ZFYVE16: variants seen among roughly 807,000 people sequenced by gnomAD.
ZFYVE16 encodes zinc finger FYVE domain-containing protein 16.
ZFYVE16 carries 89 observed loss-of-function variants against 138.1 expected under a neutral mutation model. The ratio of observed to expected loss-of-function variants is 0.64; its 90% CI spans 0.54 to 0.77. The LOEUF is 0.77. Ranked by LOEUF, ZFYVE16 falls within the 30% of genes least tolerant of loss-of-function variation. The pLI is 0.00. For synonymous variants in ZFYVE16, 596 were observed against 618.3 expected, an observed-to-expected ratio of 0.96 and a Z score of 0.53; for missense variants, 1,793 against 1,786.7, an observed-to-expected ratio of 1.00 and a Z score of -0.06.
intron 15 of ZFYVE16, among the ~76,000 whole-genome samples, chr5:80,468,745 T>TA (rs2112531927): frequency 6.6e-6 from 1 of 152,316 alleles, no homozygotes; most frequent in South Asian, 2.1e-4. Context: ...TATATAGAAA[T>TA]ACATTTATCT....
chr5:80,452,833 T>C (rs1752131527), intron 11 of ZFYVE16, among the ~76,000 whole-genome samples: 1 of 152,218 alleles, frequency 6.6e-6, no homozygotes, highest in South Asian at 2.1e-4. Flanking sequence ...TGTACGTGTG[T>C]GTATTTACTT....
rs536050320 is a variant in ZFYVE16 at position 80,438,498 on chromosome 5, A to G, written c.1813A>G (p.Ile605Val). The G allele has an allele frequency of 5.8e-5, 94 of 1,613,726 alleles. 1 individual carries two copies. The South Asian group carries it at 9.3e-4, about 16-fold the overall frequency. Residue 605 changes from isoleucine (I) to valine (V), a missense_variant, in exon 4 of 19, where the codon ATA becomes GTA. By Grantham distance (29) the Ile-to-Val change is conservative. Transcript: ENST00000505560. Reference sequence around the variant, plus strand: ...TGAAATAGTTGATAAACAAAATACAATAGAAAATGGCCTTTCTTTAGGAGA... The same window carrying G: ...TGAAATAGTTGATAAACAAAATACAGTAGAAAATGGCCTTTCTTTAGGAGA... ...ICEIVDKQNT[I>V]ENGLSLGEKS...
At chr5:80,413,471 CAA>C (rs70988468) in intron 1 of ZFYVE16, among the ~76,000 whole-genome samples, 1 of 124,522 alleles carries the variant, frequency 8.0e-6, no homozygotes, top group African/African-American at 3.2e-5. Context: ...AACTTCATCT[CAA>C]AAAAAAAAAA....
At chr5:80,454,509 C>CT (rs1270643829) in intron 11 of ZFYVE16, 4,703 of 141,826 alleles carry the variant, frequency 0.033, 216 homozygotes, top group African/African-American at 0.098. Context: ...CTGTATATTC[C>CT]TTTTTTTTTT....
At position 80,472,742 on chromosome 5, in the gene ZFYVE16, A is replaced by G; in HGVS notation, c.4025-19A>G. On this transcript the variant is annotated intron_variant, in intron 15 of 18. Transcript: ENST00000505560. The stretch of plus-strand genomic sequence containing the variant: ...TTGGTATTTGGCAAAAGAAATGTGA[A>G]ACTTAGTCTCATTTCTAGATGGCTT... The G allele has an allele frequency of 6.2e-7, 1 of 1,604,844 alleles. No individual in the cohort carries two copies. Among genetic ancestry groups the G allele is most frequent in the Non-Finnish European group, 8.5e-7 (1 of 1,175,680 alleles).
At chr5:80,456,338 A>C (rs578091044) in intron 12 of ZFYVE16, 123 bp from the exon 13 acceptor site, 3 of 749,944 alleles carry the variant, frequency 4.0e-6, no homozygotes, top group Non-Finnish European at 6.3e-6. Context: ...AAATACTACA[A>C]AGTTTTTCCT....
rs749869617 is a variant in ZFYVE16 at position 80,448,204 on chromosome 5, A to T, written c.2903A>T (p.Asp968Val). The change falls in exon 8 of 19, where the codon GAT (aspartate) becomes GTT (valine). Residue 968 changes from aspartate (D) to valine (V), a missense_variant. Physicochemically the swap from Asp to Val is radical, Grantham distance 152. Around this residue, in one of 2 missense-constraint regions of ZFYVE16, gnomAD observed 1,295 missense variants for 1,204.3 expected, o/e 1.08. Transcript: ENST00000505560. ...CCTACTTCTGGTTCATTTACACTAG[A>T]TGATGATGTTTTTGCAGAAACTGAA... The part of the protein sequence containing the change: ...GLPTSGSFTL[D>V]DDVFAETEEP... The T allele has an allele frequency of 5.6e-6, 9 of 1,613,942 alleles. No homozygotes were observed. Among genetic ancestry groups the T allele is most frequent in the Non-Finnish European group, 6.8e-6 (8 of 1,179,912 alleles).
intron 1 of ZFYVE16, among the ~76,000 whole-genome samples, chr5:80,417,435 A>G (rs1356360458): frequency 6.6e-6 from 1 of 152,178 alleles, no homozygotes; most frequent in African/African-American, 2.4e-5. Flanking sequence ...ATGGTTATTA[A>G]CGTGATTATC....
At chr5:80,409,905 A>T (rs941368993) in intron 1 of ZFYVE16, 10 of 152,032 alleles carry the variant, frequency 6.6e-5, no homozygotes, top group African/African-American at 2.4e-4. Context: ...GTTCTTTGTG[A>T]TGTTTTCTGG....
chr5:80,471,314 G>C (rs1182817800), intron 15 of ZFYVE16, among the ~76,000 whole-genome samples: 2 of 152,182 alleles, frequency 1.3e-5, no homozygotes, highest in African/African-American at 2.4e-5. Flanking sequence ...AACTGTTACT[G>C]CTGATTAATA....
At chr5:80,472,149 A>G (rs1432022850) in intron 15 of ZFYVE16, among the ~76,000 whole-genome samples, 4 of 151,926 alleles carry the variant, frequency 2.6e-5, no homozygotes, top group African/African-American at 4.8e-5. Flanking sequence ...AAAGACTTCA[A>G]AGTCTTCCAT....
intron 2 of ZFYVE16, among the ~76,000 whole-genome samples, chr5:80,428,428 A>G (rs1181495436): frequency 6.6e-6 from 1 of 152,226 alleles, no homozygotes; most frequent in Non-Finnish European, 1.5e-5. Flanking sequence ...ACAAACAGAA[A>G]GGACATCCAC....
At chr5:80,458,561 A>G (rs1362479784) in intron 14 of ZFYVE16, among the ~76,000 whole-genome samples, 1 of 152,154 alleles carries the variant, frequency 6.6e-6, no homozygotes, top group African/African-American at 2.4e-5. Context: ...GAGCTTTTAT[A>G]TTCTACAGAA....
At chr5:80,459,035 A>G (rs567936074) in intron 14 of ZFYVE16, among the ~76,000 whole-genome samples, 2 of 152,242 alleles carry the variant, frequency 1.3e-5, no homozygotes, top group South Asian at 2.1e-4. Context: ...AGTTCCAGCA[A>G]TTCTGCCTCA....
intron 15 of ZFYVE16, among the ~76,000 whole-genome samples, chr5:80,471,965 A>G (rs375661929): frequency 7.9e-5 from 12 of 152,042 alleles, no homozygotes; most frequent in East Asian, 3.9e-4. Flanking sequence ...CTTTTCTACA[A>G]TGCTTGTTAA....
At chr5:80,429,861 A>G (rs1217964427) in intron 2 of ZFYVE16, among the ~76,000 whole-genome samples, 1 of 152,188 alleles carries the variant, frequency 6.6e-6, no homozygotes, top group Non-Finnish European at 1.5e-5. Flanking sequence ...CAGACTGGTA[A>G]AGGGATCAAT....
chr5:80,414,855 G>C (rs951892237), intron 1 of ZFYVE16, among the ~76,000 whole-genome samples: 8 of 152,164 alleles, frequency 5.3e-5, no homozygotes, highest in African/African-American at 1.9e-4. Context: ...GGAAAGGAGA[G>C]GTAGGGGATG....
intron 1 of ZFYVE16, among the ~76,000 whole-genome samples, chr5:80,414,477 A>G (rs1745913649): frequency 6.6e-6 from 1 of 152,076 alleles, no homozygotes. Flanking sequence ...CCTGAGAGAG[A>G]CAGAATGGGA....
At chr5:80,440,955 G>C (rs1398689548) in intron 5 of ZFYVE16, 1 of 985,134 alleles carries the variant, frequency 1.0e-6, no homozygotes, top group African/African-American at 1.7e-5. Context: ...GTTAGCCTGA[G>C]GTAAGCTGCT....
Sources: gnomAD v4.1 joint callset for allele counts (sites outside exome capture counted in the v4.1 genomes callset) on GRCh38, gnomAD v4.1.1 for gene constraint, gnomAD v4.1.1 regional missense constraint, MANE v1.5 for transcripts, NCBI Gene and HGNC (gene_info 2026-07-23, HGNC 2026-07-21) for gene names.